KCTD16: variants seen among roughly 807,000 people sequenced by gnomAD.
KCTD16 encodes the protein potassium channel tetramerization domain containing 16, also known as BTB/POZ domain-containing protein KCTD16.
KCTD16 carries 13 observed loss-of-function variants against 33.2 expected under a neutral mutation model. That is an observed-to-expected ratio of 0.39 (90% CI 0.25 to 0.62). KCTD16 has a LOEUF of 0.62. Among genes scored for constraint, KCTD16 ranks in the 20% least tolerant of loss-of-function variants. The pLI is 0.50. For missense variants in KCTD16, 441 were observed against 525.1 expected, an observed-to-expected ratio of 0.84 and a Z score of 1.57; for synonymous variants, 197 against 195.3, an observed-to-expected ratio of 1.01 and a Z score of -0.07.
chr5:144,370,250 A>G (rs1178026225), intron 3 of KCTD16, among the ~76,000 whole-genome samples: 4 of 152,166 alleles, frequency 2.6e-5, no homozygotes, highest in Non-Finnish European at 4.4e-5. Context: ...TAGAAGGGGT[A>G]GAAAGTATAA....
intron 3 of KCTD16, among the ~76,000 whole-genome samples, chr5:144,387,709 A>C (rs1296776402): frequency 6.6e-6 from 1 of 152,136 alleles, no homozygotes; most frequent in Non-Finnish European, 1.5e-5. Flanking sequence ...TACATGAATG[A>C]CTTTGTAGGT....
chr5:144,400,278 G>A (rs982467477), intron 3 of KCTD16, among the ~76,000 whole-genome samples: 6 of 152,198 alleles, frequency 3.9e-5, no homozygotes, highest in South Asian at 4.2e-4. Context: ...CTTGACCCTC[G>A]TAGGTATGAT....
chr5:144,225,105 G>A (rs1753889819), intron 3 of KCTD16, among the ~76,000 whole-genome samples: 1 of 152,108 alleles, frequency 6.6e-6, no homozygotes, highest in African/African-American at 2.4e-5. Context: ...AGATGGCAAT[G>A]CTATCTTTTT....
intron 3 of KCTD16, among the ~76,000 whole-genome samples, chr5:144,353,819 T>G (rs569814973): frequency 7.9e-5 from 12 of 152,292 alleles, no homozygotes; most frequent in African/African-American, 2.6e-4. Context: ...TGACTTTATT[T>G]GAATATAACA....
chr5:144,197,352 A>G (rs964018159), intron 2 of KCTD16, among the ~76,000 whole-genome samples: 1 of 152,178 alleles, frequency 6.6e-6, no homozygotes, highest in African/African-American at 2.4e-5. Flanking sequence ...TGCTCTATTC[A>G]TAAACATTTC....
intron 2 of KCTD16, among the ~76,000 whole-genome samples, chr5:144,182,085 C>CAAA (rs371259746): frequency 1.8e-4 from 21 of 119,420 alleles, no homozygotes; most frequent in African/African-American, 5.6e-4. Flanking sequence ...AACTCCATCT[C>CAAA]AAAAAAAAAA....
At chr5:144,407,174 T>C (rs1486976294) in intron 3 of KCTD16, among the ~76,000 whole-genome samples, 1 of 145,352 alleles carries the variant, frequency 6.9e-6, no homozygotes, top group African/African-American at 2.6e-5. Flanking sequence ...GTCTCAGAAG[T>C]TTTCATCTTT....
Position 144,476,845 on chromosome 5 carries a change from G to A in KCTD16, c.*2731G>A, listed in dbSNP as rs1386068857. On this transcript the variant is annotated 3_prime_UTR_variant, in exon 4 of 4. Transcript: ENST00000512467. ...TGTGACTCGGGCATGTTTCCCTGAAGTTAAAATAGTTTTTAGAACTTTTTG... is the reference window on the plus strand; with the variant it reads ...TGTGACTCGGGCATGTTTCCCTGAAATTAAAATAGTTTTTAGAACTTTTTG... 1 of 152,198 alleles carries A rather than the reference G, an allele frequency of 6.6e-6. No homozygotes were observed. The highest frequency in any genetic ancestry group is 2.4e-5 in the African/African-American group (1 of 41,544). 9.4% of individuals were successfully genotyped at this position (152,198 alleles called of 1,614,324 possible).
intron 3 of KCTD16, among the ~76,000 whole-genome samples, chr5:144,369,687 A>G (rs1751923059): frequency 6.6e-6 from 1 of 152,160 alleles, no homozygotes; most frequent in Admixed American, 6.6e-5. Flanking sequence ...AGTAGTTTAA[A>G]AGATGTTAGG....
chr5:144,174,906 T>C (rs1202804177), intron 2 of KCTD16, among the ~76,000 whole-genome samples: 2 of 152,212 alleles, frequency 1.3e-5, no homozygotes, highest in East Asian at 3.8e-4. Flanking sequence ...CAAACCTTTC[T>C]AATGTCAGGT....
intron 3 of KCTD16, among the ~76,000 whole-genome samples, chr5:144,233,157 C>T (rs73310781): frequency 0.017 from 2,510 of 152,002 alleles, 66 homozygotes; most frequent in African/African-American, 0.05. Flanking sequence ...GACATATTTT[C>T]AGCTTGAGTG....
At position 144,231,628 on chromosome 5, in the gene KCTD16, G is replaced by A. The variant is rs554153957; in HGVS notation, c.832+24082G>A. On this transcript the variant is annotated intron_variant, in intron 3 of 3. Coordinates refer to ENST00000512467, the MANE Select transcript of KCTD16 (RefSeq NM_020768.4). Reference sequence around the variant, plus strand: ...GTAATAATCCCCATGTATCAGGGGCGGGACCAGTTGGAGATAATTGAATTA... The same window carrying A: ...GTAATAATCCCCATGTATCAGGGGCAGGACCAGTTGGAGATAATTGAATTA... 1.7e-4 allele frequency among the ~76,000 whole-genome samples: 26 copies of A among 152,222 alleles called. No homozygotes were observed. The South Asian group carries it at 5.2e-3, about 30-fold the overall frequency.
intron 3 of KCTD16, among the ~76,000 whole-genome samples, chr5:144,434,894 A>C (rs1580962210): frequency 6.6e-6 from 1 of 152,166 alleles, no homozygotes; most frequent in Non-Finnish European, 1.5e-5. Flanking sequence ...CCTAATGATG[A>C]AGGCTGTTAG....
intron 2 of KCTD16, among the ~76,000 whole-genome samples, chr5:144,187,176 T>C (rs947587913): frequency 1.2e-4 from 18 of 152,226 alleles, no homozygotes; most frequent in African/African-American, 4.1e-4. Flanking sequence ...ACTCATTTTT[T>C]TTTCCAGATT....
At chr5:144,397,420 A>G (rs1489486510) in intron 3 of KCTD16, among the ~76,000 whole-genome samples, 1 of 152,092 alleles carries the variant, frequency 6.6e-6, no homozygotes, top group Admixed American at 6.6e-5. Context: ...ATGATTTATA[A>G]TCCTTTGGGT....
At chr5:144,243,190 A>G (rs1327325636) in intron 3 of KCTD16, among the ~76,000 whole-genome samples, 1 of 152,042 alleles carries the variant, frequency 6.6e-6, no homozygotes, top group Non-Finnish European at 1.5e-5. Context: ...AATGTGACTT[A>G]TTACTTTTGA....
At chr5:144,452,537 T>C (rs1427320722) in intron 3 of KCTD16, among the ~76,000 whole-genome samples, 1 of 151,520 alleles carries the variant, frequency 6.6e-6, no homozygotes, top group Non-Finnish European at 1.5e-5. Flanking sequence ...AGAAAGAGCA[T>C]TGCTAGATAA....
chr5:144,432,853 T>TAC (rs1204302235), intron 3 of KCTD16, among the ~76,000 whole-genome samples: 2 of 152,102 alleles, frequency 1.3e-5, no homozygotes, highest in African/African-American at 4.8e-5. Context: ...TATGTATGCA[T>TAC]ACACACACAC....
At chr5:144,367,049 T>C (rs1230129822) in intron 3 of KCTD16, among the ~76,000 whole-genome samples, 6 of 152,206 alleles carry the variant, frequency 3.9e-5, no homozygotes, top group Non-Finnish European at 8.8e-5. Context: ...GGAGGGCTAT[T>C]AGCCCAGAAT....
Sources: allele counts gnomAD v4.1 joint callset (sites outside exome capture counted in the v4.1 genomes callset), GRCh38; gene constraint gnomAD v4.1.1; transcripts MANE v1.5; gene names NCBI Gene and HGNC (gene_info 2026-07-23, HGNC 2026-07-21).